Variants in MMP16 observed in about 807,000 individuals in gnomAD.
MMP16 encodes matrix metalloproteinase-16.
Under a neutral mutation model 67.8 loss-of-function variants are expected in MMP16, and 12 were observed. The observed-to-expected ratio is 0.18, with a 90% CI of 0.11 to 0.29. The LOEUF is 0.29. MMP16 is among the 10% of genes least tolerant of loss of function. MMP16 has a pLI of 1.00. For synonymous variants in MMP16, 249 were observed against 255.9 expected (o/e 0.97, Z 0.26); for missense variants, 475 against 765.7 (o/e 0.62, Z 4.48).
intron 6 of MMP16, among the ~76,000 whole-genome samples, chr8:88,092,996 A>T (rs971737578): frequency 6.6e-6 from 1 of 151,898 alleles, no homozygotes; most frequent in Non-Finnish European, 1.5e-5. Flanking sequence ...TTCTTCTTAA[A>T]TATTTCCAAA....
intron 1 of MMP16, among the ~76,000 whole-genome samples, chr8:88,218,083 T>A (rs976489698): frequency 6.6e-6 from 1 of 152,042 alleles, no homozygotes; most frequent in Non-Finnish European, 1.5e-5. Context: ...CTTCTACTCT[T>A]TATCTGCTTA....
chr8:88,233,890 T>A (rs961245378), intron 1 of MMP16, among the ~76,000 whole-genome samples: 2 of 152,230 alleles, frequency 1.3e-5, no homozygotes, highest in Admixed American at 6.5e-5. Context: ...TTCATTATTT[T>A]AAAGGCTCCC....
intron 1 of MMP16, among the ~76,000 whole-genome samples, chr8:88,304,878 A>G (rs1279771008): frequency 1.3e-5 from 2 of 152,236 alleles, no homozygotes; most frequent in African/African-American, 4.8e-5. Flanking sequence ...ACTATAAAGC[A>G]ACCACATAAA....
intron 7 of MMP16, among the ~76,000 whole-genome samples, chr8:88,071,512 TAG>T (rs1378867428): frequency 2.6e-5 from 4 of 151,708 alleles, no homozygotes; most frequent in African/African-American, 9.7e-5. Flanking sequence ...ATGATTTCTG[TAG>T]AGAGAGAAGA....
At chr8:88,307,605 G>A (rs183135639) in intron 1 of MMP16, among the ~76,000 whole-genome samples, 1 of 151,762 alleles carries the variant, frequency 6.6e-6, no homozygotes, top group Non-Finnish European at 1.5e-5. Context: ...TTCTTTTTTA[G>A]GTTAATAATT....
chr8:88,312,806 T>C (rs1811315541), intron 1 of MMP16, among the ~76,000 whole-genome samples: 1 of 152,022 alleles, frequency 6.6e-6, no homozygotes, highest in African/African-American at 2.4e-5. Flanking sequence ...CCATCTCTAC[T>C]AAGAATACAA....
chr8:88,043,204 G>T (rs958597873), intron 9 of MMP16, among the ~76,000 whole-genome samples: 8 of 152,128 alleles, frequency 5.3e-5, no homozygotes, highest in Admixed American at 2.6e-4. Context: ...TCATGTTCTG[G>T]TGAACACAAG....
At chr8:88,279,765 C>T (rs1810703466) in intron 1 of MMP16, among the ~76,000 whole-genome samples, 1 of 152,158 alleles carries the variant, frequency 6.6e-6, no homozygotes, top group Non-Finnish European at 1.5e-5. Context: ...AGAGGACATT[C>T]AACGACTCTC....
At chr8:88,260,059 C>T (rs922465968) in intron 1 of MMP16, among the ~76,000 whole-genome samples, 2 of 152,000 alleles carry the variant, frequency 1.3e-5, no homozygotes, top group African/African-American at 2.4e-5. Context: ...TCAAAAAATG[C>T]ACAATATGAG....
At chr8:88,095,728 A>G (rs1267052037) in intron 6 of MMP16, among the ~76,000 whole-genome samples, 1 of 151,894 alleles carries the variant, frequency 6.6e-6, no homozygotes, top group Non-Finnish European at 1.5e-5. Context: ...TTGACAATGT[A>G]AGAGTGTCCC....
At chr8:88,296,300 T>G (rs1487484182) in intron 1 of MMP16, among the ~76,000 whole-genome samples, 1 of 152,206 alleles carries the variant, frequency 6.6e-6, no homozygotes, top group African/African-American at 2.4e-5. Context: ...TATTTTTAAT[T>G]GACAAATAAT....
intron 1 of MMP16, among the ~76,000 whole-genome samples, chr8:88,244,464 A>T (rs1810079987): frequency 6.6e-6 from 1 of 152,154 alleles, no homozygotes. Flanking sequence ...CATCCAATTC[A>T]CTTTGTGGTA....
At chr8:88,165,935 T>C (rs1287948352) in intron 4 of MMP16, among the ~76,000 whole-genome samples, 1 of 152,130 alleles carries the variant, frequency 6.6e-6, no homozygotes, top group East Asian at 1.9e-4. Context: ...AAAAATGTAA[T>C]AACAATTTAA....
chr8:88,159,700 G>C (rs1333626541), intron 4 of MMP16, among the ~76,000 whole-genome samples: 7 of 152,064 alleles, frequency 4.6e-5, no homozygotes, highest in South Asian at 2.1e-4. Context: ...GGGCATCCCT[G>C]TCTTGTGCCA....
chr8:88,119,155 C>T (rs1809486673), intron 4 of MMP16, among the ~76,000 whole-genome samples: 1 of 152,040 alleles, frequency 6.6e-6, no homozygotes, highest in Admixed American at 6.6e-5. Flanking sequence ...GATAGTACTC[C>T]TGTCAAAATA....
intron 3 of MMP16, among the ~76,000 whole-genome samples, chr8:88,184,322 A>G (rs2129747372): frequency 6.6e-6 from 1 of 152,164 alleles, no homozygotes; most frequent in Non-Finnish European, 1.5e-5. Flanking sequence ...AAAATCTAAC[A>G]TATCTCATCC....
intron 7 of MMP16, among the ~76,000 whole-genome samples, chr8:88,071,424 G>C (rs1808551822): frequency 6.6e-6 from 1 of 151,060 alleles, no homozygotes; most frequent in South Asian, 2.1e-4. Context: ...TAGTTAAATA[G>C]GGGAATAAAA....
intron 7 of MMP16, 55 bp from the exon 8 acceptor site, chr8:88,056,333 T>C: frequency 1.1e-6 from 1 of 910,538 alleles, no homozygotes. Context: ...ATAATTAGAA[T>C]ATATCTATTA....
At chr8:88,148,895 T>G (rs778991152) in intron 4 of MMP16, among the ~76,000 whole-genome samples, 29 of 152,252 alleles carry the variant, frequency 1.9e-4, no homozygotes, top group Admixed American at 7.8e-4. Flanking sequence ...GGTCTACAGC[T>G]CCCAGCGTGA....
Sources: allele counts gnomAD v4.1 joint callset (sites outside exome capture counted in the v4.1 genomes callset), GRCh38; gene constraint gnomAD v4.1.1; transcripts MANE v1.5; gene names NCBI Gene and HGNC (gene_info 2026-07-23, HGNC 2026-07-21).